The following YDJC variants were observed in gnomAD, a reference collection of about 807,000 sequenced individuals.
The protein encoded by YDJC is YdjC chitooligosaccharide deacetylase homolog.
A neutral mutation model predicts 18.9 loss-of-function variants in YDJC; 23 were observed. The observed-to-expected ratio is 1.22, with a 90% CI of 0.87 to 1.72. YDJC has a LOEUF of 1.72. Ranked by LOEUF, YDJC falls within the 40% of genes most tolerant of loss-of-function variation. YDJC has a pLI of 0.00. For missense variants in YDJC, 467 were observed against 470.8 expected, an observed-to-expected ratio of 0.99 and a Z score of 0.07; for synonymous variants, 224 against 217.6, an observed-to-expected ratio of 1.03 and a Z score of -0.26.
chr22:21,628,109 TTATTAA>T lies in YDJC; in HGVS notation c.*303_*308del. Reference sequence around the variant, plus strand: ...CCAAGTTTGAAAGACACACGTTATTTTATTAATATAGCCATCTCTCCCCACTGCCCC... The same window carrying T: ...CCAAGTTTGAAAGACACACGTTATTTTATAGCCATCTCTCCCCACTGCCCC... On this transcript the variant is annotated 3_prime_UTR_variant, in exon 5 of 5. Transcript: ENST00000292778. 1 of 262,158 alleles carries T rather than the reference TTATTAA, an allele frequency of 3.8e-6. No individual in the cohort carries two copies. The highest frequency in any genetic ancestry group is 7.1e-6 in the Non-Finnish European group (1 of 140,042). The allele number at this position is 262,158 out of a possible 1,614,324, so 16.2% of individuals were successfully genotyped here.
At position 21,629,071 on chromosome 22, in the gene YDJC, C is replaced by G. The variant is rs1249791479; in HGVS notation, c.541G>C (p.Ala181Pro). The G allele has an allele frequency of 6.5e-7, 1 of 1,532,790 alleles. No individual in the cohort carries two copies. The allele number at this position is 1,532,790 out of a possible 1,614,324, so 94.9% of individuals were successfully genotyped here. A position where few individuals can be genotyped will look rare whatever the true frequency, so the allele number is the denominator to read the frequency against. ...TWLEAPARAF[A>P]CAVERDARAA... ...CGGGCGTCGCGCTCCACGGCGCAGG[C>G]GAAGGCACGCGCGGGGGCCTCCAGC... is the stretch of plus-strand genomic sequence containing the variant. The change falls in exon 4 of 5, where the codon GCC becomes CCC. Residue 181 changes from alanine (A) to proline (P), a missense_variant. Physicochemically the swap from Ala to Pro is conservative, Grantham distance 27. Transcript: ENST00000292778.
intron 1 of YDJC, 24 bp downstream of exon 1, chr22:21,629,827 C>G: frequency 6.6e-7 from 1 of 1,509,126 alleles, no homozygotes; most frequent in Non-Finnish European, 8.8e-7. Context: ...CCGATCGCCG[C>G]CCTGCTAGAG....
chr22:21,628,824 G>C (rs886895024), intron 4 of YDJC, 37 bp from the exon 5 acceptor site: 2 of 1,444,290 alleles, frequency 1.4e-6, no homozygotes, highest in South Asian at 1.4e-5. Flanking sequence ...GGACCAGGCC[G>C]GGCCATGGCC....
chr22:21,628,348 G>A lies in YDJC; in HGVS notation c.*70C>T. Reference sequence around the variant, plus strand: ...GTGCTCCAGGTCCCAGCTCTGGGCTGGGCCAGGACTAAATCCTGGCTCCCC... The same window carrying A: ...GTGCTCCAGGTCCCAGCTCTGGGCTAGGCCAGGACTAAATCCTGGCTCCCC... On this transcript the variant is annotated 3_prime_UTR_variant, in exon 5 of 5. Coordinates refer to ENST00000292778, the MANE Select transcript of YDJC (RefSeq NM_001017964.2). The A allele has an allele frequency of 6.8e-7, 1 of 1,471,398 alleles. No homozygotes were observed. The highest frequency in any genetic ancestry group is 2.4e-5 in the East Asian group (1 of 41,364). The allele number at this position is 1,471,398 out of a possible 1,614,324, so 91.1% of individuals were successfully genotyped here.
intron 4 of YDJC, 45 bp downstream of exon 4, chr22:21,628,965 A>G (rs1473191605): frequency 6.9e-7 from 1 of 1,442,274 alleles, no homozygotes; most frequent in Non-Finnish European, 9.1e-7. Context: ...GCCAGTGCGG[A>G]GGGACAGAGG....
chr22:21,629,046 C>T lies in YDJC; in HGVS notation c.566G>A (p.Arg189Gln). The change falls in exon 4 of 5, where the codon CGG becomes CAG. Residue 189 changes from arginine to glutamine, a missense_variant. Transcript: ENST00000292778. ...AFACAVERDA[R>Q]AAVGPFSRHG... ...GCGGGAGAAGGGGCCCACGGCGGCC[C>T]GGGCGTCGCGCTCCACGGCGCAGGC... 1 of 1,505,990 alleles carries T rather than the reference C, an allele frequency of 6.6e-7. No homozygotes were observed. Among genetic ancestry groups the T allele is most frequent in the South Asian group, 1.3e-5 (1 of 79,180 alleles). The allele number at this position is 1,505,990 out of a possible 1,614,324, so 93.3% of individuals were successfully genotyped here. A position where few individuals can be genotyped will look rare whatever the true frequency, so the allele number is the denominator to read the frequency against.
In YDJC at chr22:21,629,629, C is replaced by T. The variant is rs1391208662; in HGVS notation, c.297G>A (p.Val99=). The change falls in exon 2 of 5, where the codon GTG becomes GTA. Residue 99 remains valine, a synonymous_variant. Transcript: ENST00000292778. ...FLGKMGFREA[V]AAGDVDLPQV... ...GAGGCAAATCCACGTCTCCGGCCGCCACCGCCTCCCGGAATCCCATCTTGC... is the reference window on the plus strand; with the variant it reads ...GAGGCAAATCCACGTCTCCGGCCGCTACCGCCTCCCGGAATCCCATCTTGC... The T allele has an allele frequency of 1.2e-6, 2 of 1,612,610 alleles. No homozygotes were observed. The highest frequency in any genetic ancestry group is 8.5e-7 in the Non-Finnish European group (1 of 1,179,928).
chr22:21,629,115 C>T lies in YDJC; in HGVS notation c.497G>A (p.Gly166Asp), dbSNP rs1029942740. The change falls in exon 4 of 5, where the codon GGT becomes GAT. Residue 166 changes from glycine (G) to aspartate (D), a missense_variant. Coordinates refer to ENST00000292778, the MANE Select transcript of YDJC (RefSeq NM_001017964.2). ...CTCCAGCCAAGTGCAGCCACCCACA[C>T]CGCGCTCCAGCGGCAGTCGCGTAAA... ...VRFTRLPLER[G>D]VGGCTWLEAP... 6.5e-7 allele frequency: 1 copy of T among 1,537,976 alleles called. No individual in the cohort carries two copies. The highest frequency in any genetic ancestry group is 2.0e-5 in the Admixed American group (1 of 50,952).
chr22:21,629,167 C>T lies in YDJC; in HGVS notation c.445G>A (p.Glu149Lys), dbSNP rs1448481048. 1.9e-6 allele frequency: 3 copies of T among 1,541,782 alleles called. No individual in the cohort carries two copies. Among genetic ancestry groups the T allele is most frequent in the Non-Finnish European group, 8.7e-7 (1 of 1,145,910 alleles). The change falls in exon 4 of 5, where the codon GAG (glutamate) becomes AAG (lysine). Residue 149 changes from glutamate (E) to lysine (K), a missense_variant. Coordinates refer to ENST00000292778, the MANE Select transcript of YDJC (RefSeq NM_001017964.2). ...CGCACCCCATAGGCCTGCAGCGCCTCGGCGAACACCTGGCACACGCCTGCG... is the reference window on the plus strand; with the variant it reads ...CGCACCCCATAGGCCTGCAGCGCCTTGGCGAACACCTGGCACACGCCTGCG... The part of the protein sequence containing the change: ...VLPGVCQVFA[E>K]ALQAYGVRFT...
In YDJC at chr22:21,629,719, G is replaced by A. The variant is rs1235607487; in HGVS notation, c.207C>T (p.Gly69=). 6.4e-7 allele frequency: 1 copy of A among 1,574,752 alleles called. No homozygotes were observed. Among genetic ancestry groups the A allele is most frequent in the Non-Finnish European group, 8.6e-7 (1 of 1,162,428 alleles). ...PTGLHANLSE[G]RPVGPARRGA... ...CACGGCGGGCCGGACCCACGGGGCG[G>A]CCCTCGGACAGGTTGGCGTGGAGGC... is the stretch of plus-strand genomic sequence containing the variant. Residue 69 remains glycine (G), a synonymous_variant, in exon 2 of 5, where the codon GGC becomes GGT. Transcript: ENST00000292778.
chr22:21,629,940 G>A lies in YDJC; in HGVS notation c.75C>T (p.Ile25=), dbSNP rs1213239189. ...CAGCCCCGGCCAGAAAGGCCTCCAC[G>A]ATACCCTCATCGCGTCGCGGGCAGT... is the stretch of plus-strand genomic sequence containing the variant. The part of the protein sequence containing the change: ...FGYCPRRDEG[I]VEAFLAGAVT... Residue 25 remains isoleucine (I), a synonymous_variant, in exon 1 of 5, where the codon ATC becomes ATT. Coordinates refer to ENST00000292778, the MANE Select transcript of YDJC (RefSeq NM_001017964.2). The A allele has an allele frequency of 6.2e-7, 1 of 1,605,232 alleles. No individual in the cohort carries two copies. Among genetic ancestry groups the A allele is most frequent in the South Asian group, 1.1e-5 (1 of 90,360 alleles).
chr22:21,629,562 G>A (rs1568994509), intron 2 of YDJC, 40 bp downstream of exon 2: 2 of 1,612,102 alleles, frequency 1.2e-6, no homozygotes, highest in Non-Finnish European at 8.5e-7. Context: ...GGAGCTCTGG[G>A]GGTCCTCGCG....
At chr22:21,629,249 T>C (rs1930384798) in intron 3 of YDJC, 59 bp downstream of exon 3, 6 of 1,549,648 alleles carry the variant, frequency 3.9e-6, no homozygotes, top group Non-Finnish European at 5.2e-6. Context: ...GAACTTCCCC[T>C]ACTCCCCCAG....
chr22:21,628,282 C>T lies in YDJC; in HGVS notation c.*136G>A. 8.0e-7 allele frequency: 1 copy of T among 1,255,628 alleles called. No homozygotes were observed. Among genetic ancestry groups the T allele is most frequent in the Non-Finnish European group, 1.1e-6 (1 of 943,572 alleles). 77.8% of individuals were successfully genotyped at this position (1,255,628 alleles called of 1,614,324 possible). A position where few individuals can be genotyped will look rare whatever the true frequency, so the allele number is the denominator to read the frequency against. ...CCATTTGGAGGCATGAGGACCTGAG[C>T]CCAGAGGTGGCAGTGTCCTACCCAG... On this transcript the variant is annotated 3_prime_UTR_variant, in exon 5 of 5. Transcript: ENST00000292778.
In YDJC at chr22:21,628,112, T is replaced by G; in HGVS notation, c.*306A>C. The G allele has an allele frequency of 3.7e-6, 1 of 267,014 alleles. No homozygotes were observed. The highest frequency in any genetic ancestry group is 7.0e-6 in the Non-Finnish European group (1 of 142,998). The allele number at this position is 267,014 out of a possible 1,614,324, so 16.5% of individuals were successfully genotyped here. On this transcript the variant is annotated 3_prime_UTR_variant, in exon 5 of 5. Coordinates refer to ENST00000292778, the MANE Select transcript of YDJC (RefSeq NM_001017964.2). ...AGTTTGAAAGACACACGTTATTTTA[T>G]TAATATAGCCATCTCTCCCCACTGC...
In YDJC at chr22:21,628,749, C is replaced by T. The variant is rs766501271; in HGVS notation, c.641G>A (p.Arg214Gln). The stretch of plus-strand genomic sequence containing the variant: ...GGACACGCGGTGAGCGGACATGTGC[C>T]GGCCGCAAGTGCTCAGGCCCACGAA... ...DAFVGLSTCG[R>Q]HMSAHRVSGA... The change falls in exon 5 of 5, where the codon CGG (arginine) becomes CAG (glutamine). Residue 214 changes from arginine to glutamine, a missense_variant. Transcript: ENST00000292778. 3 of 1,508,690 alleles carry T rather than the reference C, an allele frequency of 2.0e-6. No individual in the cohort carries two copies. Among genetic ancestry groups the T allele is most frequent in the Non-Finnish European group, 8.9e-7 (1 of 1,126,602 alleles). The allele number at this position is 1,508,690 out of a possible 1,614,324, so 93.5% of individuals were successfully genotyped here.
rs1170037205 is a variant in YDJC at position 21,629,086 on chromosome 22, G to C, written c.526C>G (p.Pro176Ala). Residue 176 changes from proline to alanine, a missense_variant, in exon 4 of 5, where the codon CCC (proline) becomes GCC (alanine). Pro to Ala is a conservative substitution (Grantham distance 27, BLOSUM62 -1). Coordinates refer to ENST00000292778, the MANE Select transcript of YDJC (RefSeq NM_001017964.2). ...ACGGCGCAGGCGAAGGCACGCGCGG[G>C]GGCCTCCAGCCAAGTGCAGCCACCC... ...GVGGCTWLEA[P>A]ARAFACAVER... 2 of 1,535,422 alleles carry C rather than the reference G, an allele frequency of 1.3e-6. No homozygotes were observed. The highest frequency in any genetic ancestry group is 4.9e-5 in the East Asian group (2 of 40,852).
rs369691054 is a variant in YDJC at position 21,628,713 on chromosome 22, G to C, written c.677C>G (p.Ala226Gly). 1 of 1,537,142 alleles carries C rather than the reference G, an allele frequency of 6.5e-7. No homozygotes were observed. The highest frequency in any genetic ancestry group is 8.7e-7 in the Non-Finnish European group (1 of 1,143,156). Residue 226 changes from alanine (A) to glycine (G), a missense_variant, in exon 5 of 5, where the codon GCG (alanine) becomes GGG (glycine). Coordinates refer to ENST00000292778, the MANE Select transcript of YDJC (RefSeq NM_001017964.2). ...MSAHRVSGALARVLEGTLAGH... is the reference protein window; with the variant it reads ...MSAHRVSGALGRVLEGTLAGH... ...CGCTAGGGTACCTTCCAGGACCCGC[G>C]CCAGGGCCCCGGACACGCGGTGAGC...
At position 21,628,620 on chromosome 22, in the gene YDJC, C is replaced by T; in HGVS notation, c.770G>A (p.Cys257Tyr). Residue 257 changes from cysteine to tyrosine, a missense_variant, in exon 5 of 5, where the codon TGC (cysteine) becomes TAC (tyrosine). Coordinates refer to ENST00000292778, the MANE Select transcript of YDJC (RefSeq NM_001017964.2). ...GYPSVPPTGGCGEGPDAFSCS... is the reference protein window; with the variant it reads ...GYPSVPPTGGYGEGPDAFSCS... ...AGAGAAAGCGTCGGGGCCTTCACCG[C>T]AGCCGCCGGTGGGAGGCACACTGGG... 1.9e-6 allele frequency: 3 copies of T among 1,592,646 alleles called. No individual in the cohort carries two copies. The highest frequency in any genetic ancestry group is 2.6e-6 in the Non-Finnish European group (3 of 1,170,458).
Sources: allele counts gnomAD v4.1 joint callset, GRCh38; gene constraint gnomAD v4.1.1; transcripts MANE v1.5; gene names NCBI Gene and HGNC (gene_info 2026-07-23, HGNC 2026-07-21).